The following NRG3 variants were observed in gnomAD, a reference collection of about 807,000 sequenced individuals.
The protein encoded by NRG3 is neuregulin 3, also known as pro-neuregulin-3, membrane-bound isoform.
In NRG3, 31 loss-of-function variants were observed where a neutral mutation model predicts 66.9. The observed-to-expected ratio is 0.46, with a 90% CI of 0.35 to 0.63. The LOEUF (loss-of-function observed/expected upper bound fraction) is 0.63, where lower values mean the gene tolerates loss of function less well. Ranked by LOEUF, NRG3 falls within the 20% of genes least tolerant of loss-of-function variation. The pLI is 0.00. For missense variants in NRG3, 910 were observed against 878.9 expected, an observed-to-expected ratio of 1.04 and a Z score of -0.45; for synonymous variants, 393 against 359.4, an observed-to-expected ratio of 1.09 and a Z score of -1.06.
At chr10:82,639,017 C>T (rs2050385104) in intron 2 of NRG3, among the ~76,000 whole-genome samples, 1 of 152,156 alleles carries the variant, frequency 6.6e-6, no homozygotes, top group African/African-American at 2.4e-5. Context: ...TGTTTGAAAA[C>T]ATCCCCTTCA....
intron 2 of NRG3, among the ~76,000 whole-genome samples, chr10:82,363,660 T>C (rs1235512219): frequency 6.6e-6 from 1 of 151,684 alleles, no homozygotes; most frequent in Non-Finnish European, 1.5e-5. Flanking sequence ...GGTTTCACTG[T>C]GTTAGCCAGG....
chr10:82,759,103 G>A (rs1469132204), intron 3 of NRG3, among the ~76,000 whole-genome samples: 1 of 152,026 alleles, frequency 6.6e-6, no homozygotes, highest in African/African-American at 2.4e-5. Context: ...AGAGATTAAT[G>A]TCCTCTTACA....
At chr10:82,519,116 C>A (rs914644882) in intron 2 of NRG3, among the ~76,000 whole-genome samples, 1 of 152,132 alleles carries the variant, frequency 6.6e-6, no homozygotes, top group African/African-American at 2.4e-5. Flanking sequence ...TATGGTGTAA[C>A]AGGTGGAGTT....
intron 2 of NRG3, among the ~76,000 whole-genome samples, chr10:82,629,251 A>G (rs1188249848): frequency 6.6e-6 from 1 of 152,212 alleles, no homozygotes; most frequent in Non-Finnish European, 1.5e-5. Context: ...GAAAATGTCT[A>G]CCATTCTCCC....
At chr10:82,616,187 ATCT>A (rs2048637081) in intron 2 of NRG3, among the ~76,000 whole-genome samples, 1 of 152,184 alleles carries the variant, frequency 6.6e-6, no homozygotes, top group African/African-American at 2.4e-5. Flanking sequence ...AATTAAAATA[ATCT>A]TCTTTTGCTA....
intron 4 of NRG3, among the ~76,000 whole-genome samples, chr10:82,917,093 A>G (rs964832993): frequency 2.6e-5 from 4 of 152,226 alleles, no homozygotes; most frequent in Non-Finnish European, 4.4e-5. Flanking sequence ...GAATGTAATC[A>G]TACTGCTGAA....
At chr10:82,516,292 C>T (rs991432229) in intron 2 of NRG3, among the ~76,000 whole-genome samples, 1 of 152,136 alleles carries the variant, frequency 6.6e-6, no homozygotes, top group Admixed American at 6.5e-5. Flanking sequence ...GAGCAGACCA[C>T]TTTCAATTTT....
At chr10:82,843,004 G>C (rs894437540) in intron 3 of NRG3, among the ~76,000 whole-genome samples, 2 of 152,170 alleles carry the variant, frequency 1.3e-5, no homozygotes, top group Non-Finnish European at 2.9e-5. Flanking sequence ...ACAATATACT[G>C]TACTAGACAC....
At chr10:82,980,853 C>T (rs1366823281) in intron 8 of NRG3, among the ~76,000 whole-genome samples, 1 of 152,186 alleles carries the variant, frequency 6.6e-6, no homozygotes, top group Non-Finnish European at 1.5e-5. Context: ...TGTGGAAAAG[C>T]AGGCTTGCAT....
intron 2 of NRG3, among the ~76,000 whole-genome samples, chr10:82,728,423 A>G (rs533152997): frequency 6.6e-6 from 1 of 152,302 alleles, no homozygotes; most frequent in Non-Finnish European, 1.5e-5. Flanking sequence ...ACAAGATCCG[A>G]TGGTTTAAAA....
intron 1 of NRG3, among the ~76,000 whole-genome samples, chr10:82,153,481 G>C (rs1019739893): frequency 3.3e-5 from 5 of 150,710 alleles, no homozygotes; most frequent in Non-Finnish European, 7.4e-5. Context: ...CAATTACATT[G>C]CTTTTATACC....
intron 1 of NRG3, among the ~76,000 whole-genome samples, chr10:82,258,565 A>G (rs1264510389): frequency 6.6e-6 from 1 of 152,214 alleles, no homozygotes; most frequent in African/African-American, 2.4e-5. Flanking sequence ...AGCAGGGCAA[A>G]TGGTGGAGTT....
chr10:82,673,087 A>G (rs2134054537), intron 2 of NRG3, among the ~76,000 whole-genome samples: 1 of 152,230 alleles, frequency 6.6e-6, no homozygotes, highest in East Asian at 1.9e-4. Context: ...GTTTCCTCCC[A>G]CATCCCAAAG....
At chr10:82,139,153 G>A (rs2069586100) in intron 1 of NRG3, among the ~76,000 whole-genome samples, 1 of 152,222 alleles carries the variant, frequency 6.6e-6, no homozygotes. Flanking sequence ...GGTGTTTTCT[G>A]CTTGGAAAGC....
chr10:82,175,802 A>T (rs1056078924), intron 1 of NRG3, among the ~76,000 whole-genome samples: 22 of 152,204 alleles, frequency 1.4e-4, no homozygotes, highest in African/African-American at 5.3e-4. Context: ...TCATGCCAAA[A>T]AATACATACT....
At position 82,890,948 on chromosome 10, in the gene NRG3, G is replaced by A. The variant is rs189500500; in HGVS notation, c.1054+25511G>A. Among the ~76,000 whole-genome samples the A allele has an allele frequency of 1.4e-4, 21 of 151,948 alleles. No homozygotes were observed. The South Asian group carries it at 3.9e-3, about 29-fold the overall frequency. ...AATCTGTTTGTGAAGTATCTGTTAGGTTTCTTATTTTCTGATAGATTTCTT... is the reference window on the plus strand; with the variant it reads ...AATCTGTTTGTGAAGTATCTGTTAGATTTCTTATTTTCTGATAGATTTCTT... On this transcript the variant is annotated intron_variant, in intron 4 of 8. Coordinates refer to ENST00000372141, the MANE Select transcript of NRG3 (RefSeq NM_001010848.4).
chr10:82,941,287 G>A (rs1848557042), intron 4 of NRG3, among the ~76,000 whole-genome samples: 2 of 152,068 alleles, frequency 1.3e-5, no homozygotes, highest in South Asian at 2.1e-4. Flanking sequence ...CTCATGGTAA[G>A]GATTCCTTTT....
intron 3 of NRG3, among the ~76,000 whole-genome samples, chr10:82,859,418 T>C (rs1380790315): frequency 1.3e-5 from 2 of 152,170 alleles, no homozygotes; most frequent in Non-Finnish European, 2.9e-5. Context: ...TGTCGCTTTG[T>C]CCCAGGGCTG....
intron 2 of NRG3, among the ~76,000 whole-genome samples, chr10:82,456,502 G>A (rs545209432): frequency 6.6e-6 from 1 of 152,016 alleles, no homozygotes; most frequent in Non-Finnish European, 1.5e-5. Flanking sequence ...ACACACACTA[G>A]TCTAGGCCTA....
Sources: allele counts gnomAD v4.1 joint callset (sites outside exome capture counted in the v4.1 genomes callset), GRCh38; gene constraint gnomAD v4.1.1; transcripts MANE v1.5; gene names NCBI Gene and HGNC (gene_info 2026-07-23, HGNC 2026-07-21).